PPFIA2: variants seen among roughly 807,000 people sequenced by gnomAD.
PPFIA2 encodes the protein liprin-alpha-2.
In PPFIA2, 46 loss-of-function variants were observed where a neutral mutation model predicts 175.5. That is an observed-to-expected ratio of 0.26 (90% CI 0.21 to 0.34). PPFIA2 has a LOEUF of 0.34. Among genes scored for constraint, PPFIA2 ranks in the 10% least tolerant of loss-of-function variants. The pLI, the probability that PPFIA2 is intolerant of heterozygous loss-of-function variation, is 1.00. For missense variants in PPFIA2, 1,179 were observed against 1,506.1 expected, an observed-to-expected ratio of 0.78 and a Z score of 3.60; for synonymous variants, 568 against 511.4, an observed-to-expected ratio of 1.11 and a Z score of -1.49.
chr12:81,541,040 G>A (rs1370416542), intron 4 of PPFIA2, among the ~76,000 whole-genome samples: 2 of 151,924 alleles, frequency 1.3e-5, no homozygotes, highest in African/African-American at 4.8e-5. Context: ...TACATAGGTA[G>A]ATACTCATAA....
chr12:81,489,083 C>T (rs942623424), intron 4 of PPFIA2, among the ~76,000 whole-genome samples: 1 of 151,756 alleles, frequency 6.6e-6, no homozygotes, highest in African/African-American at 2.4e-5. Context: ...TATGTGCTGA[C>T]TTGGTAACAT....
chr12:81,375,249 T>C (rs964216153), intron 10 of PPFIA2, among the ~76,000 whole-genome samples: 1 of 152,150 alleles, frequency 6.6e-6, no homozygotes, highest in Non-Finnish European at 1.5e-5. Flanking sequence ...AACTGCGTTG[T>C]AGCACAAAAA....
intron 8 of PPFIA2, among the ~76,000 whole-genome samples, chr12:81,394,889 A>T (rs1212713910): frequency 6.6e-6 from 1 of 152,024 alleles, no homozygotes; most frequent in Non-Finnish European, 1.5e-5. Flanking sequence ...TTCTTAGCAA[A>T]CTTGTAAATG....
At position 81,294,597 on chromosome 12, in the gene PPFIA2, A is replaced by T. The variant is rs2046030016; in HGVS notation, c.2925+238T>A. 2.7e-5 allele frequency: 14 copies of T among 513,924 alleles called. No individual in the cohort carries two copies. In the South Asian group the frequency reaches 3.4e-4, roughly 13 times the overall value. The allele number at this position is 513,924 out of a possible 1,614,324, so 31.8% of individuals were successfully genotyped here. A position where few individuals can be genotyped will look rare whatever the true frequency, so the allele number is the denominator to read the frequency against. The stretch of plus-strand genomic sequence containing the variant: ...TCTTGTCGCTTGGGAGAAAAATCTA[A>T]ACTTCAGATGCTAGCTCAAAAGTCT... On this transcript the variant is annotated intron_variant, in intron 24 of 32. Coordinates refer to ENST00000549396, the MANE Select transcript of PPFIA2 (RefSeq NM_003625.5).
intron 4 of PPFIA2, among the ~76,000 whole-genome samples, chr12:81,484,271 G>T (rs980621833): frequency 6.6e-6 from 1 of 151,972 alleles, no homozygotes; most frequent in Non-Finnish European, 1.5e-5. Context: ...CTGGCACTAT[G>T]CTAGACACTT....
rs1207499069 is a variant in PPFIA2, at chr12:81,713,080, G to T, written c.250-36236C>A. ...AATATTATGCCAAATTTTTACCTGTGTGATACATAGCCATGATTAATATTT... is the reference window on the plus strand; with the variant it reads ...AATATTATGCCAAATTTTTACCTGTTTGATACATAGCCATGATTAATATTT... On this transcript the variant is annotated intron_variant, in intron 3 of 32. Coordinates refer to ENST00000549396, the MANE Select transcript of PPFIA2 (RefSeq NM_003625.5). 2.0e-5 allele frequency among the ~76,000 whole-genome samples: 3 copies of T among 150,968 alleles called. No individual in the cohort carries two copies. The East Asian group carries it at 6.0e-4, about 30-fold the overall frequency.
At chr12:81,477,018 T>C (rs898959418) in intron 4 of PPFIA2, among the ~76,000 whole-genome samples, 1 of 151,684 alleles carries the variant, frequency 6.6e-6, no homozygotes, top group African/African-American at 2.4e-5. Flanking sequence ...TGAGAACACA[T>C]GGACACAGGG....
At chr12:81,394,052 G>A (rs1741690156) in intron 8 of PPFIA2, among the ~76,000 whole-genome samples, 1 of 151,974 alleles carries the variant, frequency 6.6e-6, no homozygotes, top group Non-Finnish European at 1.5e-5. Flanking sequence ...GTGATACTTT[G>A]AGGGCTAAAA....
At chr12:81,551,120 A>G (rs2067846700) in intron 4 of PPFIA2, among the ~76,000 whole-genome samples, 1 of 151,992 alleles carries the variant, frequency 6.6e-6, no homozygotes, top group Non-Finnish European at 1.5e-5. Flanking sequence ...ATCAGGCTAG[A>G]AATGTACGCT....
intron 6 of PPFIA2, among the ~76,000 whole-genome samples, chr12:81,444,652 C>T (rs759738037): frequency 6.6e-5 from 10 of 151,980 alleles, no homozygotes; most frequent in Non-Finnish European, 1.3e-4. Flanking sequence ...GTTCTCAGAA[C>T]ATCTGAAAGA....
At chr12:81,601,313 A>G (rs536616490) in intron 4 of PPFIA2, among the ~76,000 whole-genome samples, 13 of 151,866 alleles carry the variant, frequency 8.6e-5, no homozygotes, top group Non-Finnish European at 1.8e-4. Context: ...CTGAATGTCT[A>G]TTTGGAAACA....
chr12:81,509,041 A>T (rs544026823), intron 4 of PPFIA2, among the ~76,000 whole-genome samples: 2 of 152,246 alleles, frequency 1.3e-5, no homozygotes, highest in East Asian at 1.9e-4. Context: ...TGATGAGTTC[A>T]TGTCCTTTGT....
chr12:81,673,952 T>C (rs922096202), intron 4 of PPFIA2, among the ~76,000 whole-genome samples: 6 of 152,164 alleles, frequency 3.9e-5, no homozygotes. Context: ...TTAACACTTA[T>C]TGTTAAAAAT....
intron 4 of PPFIA2, among the ~76,000 whole-genome samples, chr12:81,608,684 T>C (rs2060582315): frequency 6.6e-6 from 1 of 152,058 alleles, no homozygotes; most frequent in Admixed American, 6.6e-5. Flanking sequence ...TCTTCTATTT[T>C]TTTTCTTTGC....
At chr12:81,587,139 A>G (rs1375718012) in intron 4 of PPFIA2, among the ~76,000 whole-genome samples, 1 of 151,912 alleles carries the variant, frequency 6.6e-6, no homozygotes, top group Non-Finnish European at 1.5e-5. Context: ...ATGGTCATTG[A>G]TATGGTTTGC....
intron 4 of PPFIA2, among the ~76,000 whole-genome samples, chr12:81,574,413 T>C (rs984530690): frequency 1.3e-5 from 2 of 151,858 alleles, no homozygotes; most frequent in East Asian, 3.9e-4. Flanking sequence ...TTGATATTCC[T>C]TGTATTTTTT....
At chr12:81,597,205 G>A (rs2059339377) in intron 4 of PPFIA2, among the ~76,000 whole-genome samples, 1 of 152,022 alleles carries the variant, frequency 6.6e-6, no homozygotes, top group Non-Finnish European at 1.5e-5. Context: ...CCTTAGGAAT[G>A]AAAGGCACAA....
chr12:81,418,715 A>C (rs928581261), intron 7 of PPFIA2, among the ~76,000 whole-genome samples: 2 of 151,952 alleles, frequency 1.3e-5, no homozygotes, highest in Admixed American at 1.3e-4. Flanking sequence ...GGAAAAAAAA[A>C]CTGTTCAAAT....
chr12:81,576,361 G>C (rs1042868869), intron 4 of PPFIA2, among the ~76,000 whole-genome samples: 1 of 151,698 alleles, frequency 6.6e-6, no homozygotes, highest in Non-Finnish European at 1.5e-5. Flanking sequence ...ACTTGCAACT[G>C]AACTTGAACT....
Sources: gnomAD v4.1 joint callset for allele counts (sites outside exome capture counted in the v4.1 genomes callset) on GRCh38, gnomAD v4.1.1 for gene constraint, MANE v1.5 for transcripts, NCBI Gene and HGNC (gene_info 2026-07-23, HGNC 2026-07-21) for gene names.